Variants in ZNF37A observed in about 807,000 individuals in gnomAD.
The protein encoded by ZNF37A is zinc finger protein 37a (KOX 21).
Under a neutral mutation model 12.3 loss-of-function variants are expected in ZNF37A, and 10 were observed. The ratio of observed to expected loss-of-function variants is 0.82; its 90% CI spans 0.50 to 1.38. ZNF37A has a LOEUF of 1.38. Ranked by LOEUF, ZNF37A falls within the 40% of genes most tolerant of loss-of-function variation. The probability of loss-of-function intolerance (pLI) is 0.00; values close to 1 mark genes in which losing one functional copy is unlikely to be tolerated. For synonymous variants in ZNF37A, 207 were observed against 223.0 expected (o/e 0.93, Z 0.64); for missense variants, 580 against 651.2 (o/e 0.89, Z 1.19).
At chr10:38,113,205 ATTTTTTTTT>A (rs71007697) in intron 5 of ZNF37A, among the ~76,000 whole-genome samples, 14 of 75,832 alleles carry the variant, frequency 1.8e-4, no homozygotes, top group African/African-American at 7.1e-4. Flanking sequence ...TTAGTCTGTG[ATTTTTTTTT>A]TTTTTTTTTT....
intron 5 of ZNF37A, among the ~76,000 whole-genome samples, chr10:38,097,463 A>C (rs2067233425): frequency 6.6e-6 from 1 of 151,862 alleles, no homozygotes; most frequent in Non-Finnish European, 1.5e-5. Context: ...CTGTAATCCC[A>C]GCTAGTCAGG....
downstream of ZNF37A, among the ~76,000 whole-genome samples, chr10:38,128,392 T>C (rs2069959565): frequency 6.6e-6 from 1 of 152,158 alleles, no homozygotes; most frequent in South Asian, 2.1e-4. Flanking sequence ...AGCATAATCA[T>C]GGCAGAGATG....
At chr10:38,095,681 T>G (rs1590768503) in intron 3 of ZNF37A, 52 bp downstream of exon 3, 3 of 152,166 alleles carry the variant, frequency 2.0e-5, no homozygotes, top group African/African-American at 2.4e-5. Context: ...TGGGGTGGGG[T>G]GGACAGGAAA....
chr10:38,111,211 T>C (rs2135967226), intron 5 of ZNF37A, among the ~76,000 whole-genome samples: 1 of 152,228 alleles, frequency 6.6e-6, no homozygotes, highest in African/African-American at 2.4e-5. Context: ...GAAACCATCA[T>C]TCTCAGCAAA....
chr10:38,134,994 T>G (rs566953343), intron 7 of ZNF37A, among the ~76,000 whole-genome samples: 1 of 152,266 alleles, frequency 6.6e-6, no homozygotes. Context: ...ATACGTATAT[T>G]CTTTAGATAT....
At chr10:38,145,550 C>T (rs1472549113) in intron 7 of ZNF37A, among the ~76,000 whole-genome samples, 1 of 152,092 alleles carries the variant, frequency 6.6e-6, no homozygotes, top group African/African-American at 2.4e-5. Context: ...TCTATACATT[C>T]TCACTAGGGG....
intron 7 of ZNF37A, chr10:38,143,290 G>A (rs1423521007): frequency 6.6e-6 from 1 of 152,204 alleles, no homozygotes; most frequent in African/African-American, 2.4e-5. Flanking sequence ...TGGATAATCT[G>A]GAAGGCCTGG....
intron 5 of ZNF37A, among the ~76,000 whole-genome samples, chr10:38,097,872 A>G (rs1020087774): frequency 1.3e-5 from 2 of 152,210 alleles, no homozygotes; most frequent in Non-Finnish European, 2.9e-5. Context: ...ACAATGTTGT[A>G]CCACCATAAC....
downstream of ZNF37A, among the ~76,000 whole-genome samples, chr10:38,130,079 T>A (rs1424021580): frequency 6.6e-6 from 1 of 152,214 alleles, no homozygotes; most frequent in East Asian, 1.9e-4. Context: ...CTACTTTCTG[T>A]CCTTATGGAT....
chr10:38,124,963 G>A (rs2069901347), downstream of ZNF37A: 1 of 152,152 alleles, frequency 6.6e-6, no homozygotes, highest in Admixed American at 6.5e-5. Context: ...CAAGGGGAAA[G>A]ACATGTCTTC....
intron 4 of ZNF37A, among the ~76,000 whole-genome samples, chr10:38,096,363 C>T (rs1356186294): frequency 3.9e-5 from 6 of 152,164 alleles, no homozygotes; most frequent in Non-Finnish European, 8.8e-5. Context: ...TATCGGTTTG[C>T]ATACTCTGTT....
intron 5 of ZNF37A, among the ~76,000 whole-genome samples, chr10:38,101,826 T>TA (rs1433332149): frequency 1.1e-5 from 1 of 90,134 alleles, no homozygotes; most frequent in Non-Finnish European, 2.6e-5. Flanking sequence ...TATTTTTCTT[T>TA]TTTTTTTTTT....
At chr10:38,132,477 T>C (rs1190383632) in intron 7 of ZNF37A, among the ~76,000 whole-genome samples, 1 of 152,180 alleles carries the variant, frequency 6.6e-6, no homozygotes, top group Non-Finnish European at 1.5e-5. Flanking sequence ...TGAATAATTC[T>C]TTTAACGGAC....
chr10:38,101,704 A>T (rs1393868949), intron 5 of ZNF37A, among the ~76,000 whole-genome samples: 1 of 150,776 alleles, frequency 6.6e-6, no homozygotes, highest in East Asian at 1.9e-4. Context: ...CTCTTCTGTC[A>T]TTTCAATTTC....
intron 7 of ZNF37A, among the ~76,000 whole-genome samples, chr10:38,135,214 G>A (rs1420728248): frequency 7.2e-5 from 11 of 152,158 alleles, no homozygotes; most frequent in East Asian, 5.8e-4. Flanking sequence ...GTGAAACCCC[G>A]TCTCTACTAA....
At chr10:38,146,033 G>A (rs1854563) in intron 7 of ZNF37A, among the ~76,000 whole-genome samples, 62,535 of 152,036 alleles carry the variant, frequency 0.41, 13,053 homozygotes, top group East Asian at 0.5. Context: ...CTGGGAAGCA[G>A]AGATTACAGT....
chr10:38,110,596 G>A (rs901155794), intron 5 of ZNF37A, among the ~76,000 whole-genome samples: 1 of 151,992 alleles, frequency 6.6e-6, no homozygotes, highest in Non-Finnish European at 1.5e-5. Flanking sequence ...TCTGACATAG[G>A]GCTAATATCC....
Position 38,138,260 on chromosome 10 carries a change from CAATGAGTG to C in ZNF37A, c.239-8471_239-8464del, listed in dbSNP as rs2070136478. ...AGGCTTGTGGCATTCACTATTAAAG[CAATGAGTG>C]CCTTCTGGGGACAGTCAGCTCAACT... On this transcript the variant is annotated intron_variant, in intron 7 of 7. Coordinates refer to the ZNF37A transcript ENST00000638053. 2.0e-5 allele frequency: 3 copies of C among 152,306 alleles called. No homozygotes were observed. The East Asian group carries it at 5.8e-4, about 29-fold the overall frequency. 9.4% of individuals were successfully genotyped at this position (152,306 alleles called of 1,614,324 possible).
At chr10:38,146,600 G>T (rs368401881) in intron 7 of ZNF37A, 3 of 387,260 alleles carry the variant, frequency 7.7e-6, no homozygotes, top group Non-Finnish European at 1.4e-5. Flanking sequence ...TACTTTCAGG[G>T]GATTTTTAAA....
Sources: allele counts gnomAD v4.1 joint callset (sites outside exome capture counted in the v4.1 genomes callset), GRCh38; gene constraint gnomAD v4.1.1; transcripts MANE v1.5; gene names NCBI Gene and HGNC (gene_info 2026-07-23, HGNC 2026-07-21).